Variants in MYO5B observed in about 807,000 individuals in gnomAD.
MYO5B encodes myosin VB.
A neutral mutation model predicts 229.3 loss-of-function variants in MYO5B; 143 were observed. The ratio of observed to expected loss-of-function variants is 0.62; its 90% confidence interval spans 0.54 to 0.72. The LOEUF (loss-of-function observed/expected upper bound fraction) is 0.72, where lower values mean the gene tolerates loss of function less well. Among genes scored for constraint, MYO5B ranks in the 30% least tolerant of loss-of-function variants. The probability of loss-of-function intolerance (pLI) is 0.00; values close to 1 mark genes in which losing one functional copy is unlikely to be tolerated. For synonymous variants in MYO5B, 918 were observed against 885.2 expected, an observed-to-expected ratio of 1.04 and a Z score of -0.66; for missense variants, 2,321 against 2,331.0, an observed-to-expected ratio of 1.00 and a Z score of 0.09.
chr18:50,042,654 T>C (rs1378972818), intron 2 of MYO5B, among the ~76,000 whole-genome samples: 1 of 152,194 alleles, frequency 6.6e-6, no homozygotes, highest in African/African-American at 2.4e-5. Context: ...TCATCCACTG[T>C]TCCTGGTATT....
At chr18:49,892,680 AAAAC>A (rs1387773510) in intron 22 of MYO5B, among the ~76,000 whole-genome samples, 1 of 152,208 alleles carries the variant, frequency 6.6e-6, no homozygotes, top group Non-Finnish European at 1.5e-5. Context: ...CACAGAAGAC[AAAAC>A]AAAAAAAAGC....
intron 30 of MYO5B, among the ~76,000 whole-genome samples, chr18:49,855,114 C>T (rs993880513): frequency 5.9e-5 from 9 of 152,186 alleles, no homozygotes; most frequent in African/African-American, 1.9e-4. Flanking sequence ...ACAGTAAGCA[C>T]ATTAAAAGTA....
intron 4 of MYO5B, among the ~76,000 whole-genome samples, chr18:50,023,570 TGA>T (rs2026299947): frequency 1.3e-5 from 2 of 152,178 alleles, no homozygotes; most frequent in African/African-American, 4.8e-5. Context: ...CCACATTTTG[TGA>T]GATACTTAGA....
At chr18:49,985,960 C>T (rs953460389) in intron 7 of MYO5B, among the ~76,000 whole-genome samples, 4 of 152,200 alleles carry the variant, frequency 2.6e-5, no homozygotes, top group Admixed American at 2.6e-4. Context: ...GAAAAAGACA[C>T]TATTCCAATC....
At chr18:50,150,003 C>A (rs1419598042) in intron 1 of MYO5B, among the ~76,000 whole-genome samples, 2 of 149,224 alleles carry the variant, frequency 1.3e-5, no homozygotes, top group Non-Finnish European at 3.0e-5. Context: ...ACAAACAACC[C>A]CATCAAAAAG....
At chr18:50,061,145 G>A (rs1266423556) in intron 1 of MYO5B, among the ~76,000 whole-genome samples, 1 of 152,168 alleles carries the variant, frequency 6.6e-6, no homozygotes, top group East Asian at 1.9e-4. Context: ...GAATTATCAG[G>A]CTGTAGCACT....
In MYO5B at chr18:49,837,797, C is replaced by G. The variant is rs2024007953; in HGVS notation, c.4858G>C (p.Ala1620Pro). The change falls in exon 37 of 40, where the codon GCC becomes CCC. Residue 1620 changes from alanine to proline, a missense_variant. Ala to Pro is a conservative substitution (Grantham distance 27, BLOSUM62 -1). This residue lies in a region of MYO5B where 208 missense variants were observed against 286.3 expected (regional missense o/e 0.73). Transcript: ENST00000285039. ...TGAATGCTCTCATTTTCCAACATGG[C>G]AGAAACTGAAATAAAAGCACAGTTA... ...EGVLQPMIVS[A>P]MLENESIQGL... 6.2e-7 allele frequency: 1 copy of G among 1,613,938 alleles called. No homozygotes were observed. Among genetic ancestry groups the G allele is most frequent in the African/African-American group, 1.3e-5 (1 of 74,920 alleles).
chr18:49,952,977 C>T (rs905351841), intron 14 of MYO5B, among the ~76,000 whole-genome samples: 20 of 152,074 alleles, frequency 1.3e-4, no homozygotes, highest in African/African-American at 3.6e-4. Flanking sequence ...TCCCCTATCC[C>T]CTCCATTAGC....
intron 1 of MYO5B, among the ~76,000 whole-genome samples, chr18:50,135,878 G>T (rs2032327029): frequency 6.6e-6 from 1 of 152,208 alleles, no homozygotes; most frequent in South Asian, 2.1e-4. Context: ...CCTGCAAGTG[G>T]TCTAACAGTT....
chr18:50,077,192 A>ACAC (rs1331632775), intron 1 of MYO5B, among the ~76,000 whole-genome samples: 1 of 147,206 alleles, frequency 6.8e-6, no homozygotes, highest in African/African-American at 2.5e-5. Flanking sequence ...AAAAAAAAAA[A>ACAC]AGACAACTTA....
rs147860643 is a variant in MYO5B, at chr18:49,932,723, A to C, written c.2004-3125T>G. 2.9e-4 allele frequency among the ~76,000 whole-genome samples: 44 copies of C among 152,326 alleles called. No individual in the cohort carries two copies. In the East Asian group the frequency reaches 8.3e-3, roughly 29 times the overall value. ...AAGAATGCTTTTAGAAAAAGCTAAG[A>C]GACACTATACAAAGAAGATATTGCC... On this transcript the variant is annotated intron_variant, in intron 16 of 39. Coordinates refer to ENST00000285039, the MANE Select transcript of MYO5B (RefSeq NM_001080467.3).
rs139640835 is a variant in MYO5B, at chr18:49,908,973, C to T, written c.2203-2343G>A. The stretch of plus-strand genomic sequence containing the variant: ...CAATTTATTAAAACCTCACTGACAG[C>T]CTAACGAAGCAGCCCCCAGCCCCAG... On this transcript the variant is annotated intron_variant, in intron 18 of 39. Transcript: ENST00000285039. 5.7e-3 allele frequency among the ~76,000 whole-genome samples: 871 copies of T among 152,334 alleles called. 15 individuals are homozygous for T. Among genetic ancestry groups the T allele is most frequent in the African/African-American group, 0.02 (839 of 41,576 alleles).
chr18:50,056,594 A>G (rs1314826718), intron 1 of MYO5B, among the ~76,000 whole-genome samples: 2 of 152,220 alleles, frequency 1.3e-5, no homozygotes, highest in Non-Finnish European at 2.9e-5. Context: ...AAGCTCAACC[A>G]GAACATGTGC....
At chr18:49,921,560 T>C (rs1431030667) in intron 17 of MYO5B, among the ~76,000 whole-genome samples, 5 of 152,100 alleles carry the variant, frequency 3.3e-5, no homozygotes, top group Admixed American at 6.6e-5. Context: ...TAAATCAGAC[T>C]CACAGAGAGC....
intron 12 of MYO5B, among the ~76,000 whole-genome samples, chr18:49,957,893 G>C (rs2025513862): frequency 6.6e-6 from 1 of 151,842 alleles, no homozygotes; most frequent in African/African-American, 2.4e-5. Context: ...AGTACCCTCT[G>C]GCCCCTCCCC....
At chr18:50,146,301 G>A (rs1048110598) in intron 1 of MYO5B, among the ~76,000 whole-genome samples, 1 of 152,252 alleles carries the variant, frequency 6.6e-6, no homozygotes, top group Non-Finnish European at 1.5e-5. Context: ...CACAGCCCGT[G>A]AATGGCAGAG....
chr18:49,905,979 G>T (rs1225593030), intron 19 of MYO5B, among the ~76,000 whole-genome samples: 1 of 152,176 alleles, frequency 6.6e-6, no homozygotes, highest in African/African-American at 2.4e-5. Flanking sequence ...TCGCAAAAGG[G>T]GCCTCCCAGG....
chr18:50,190,097 C>T (rs557192243), intron 1 of MYO5B, among the ~76,000 whole-genome samples: 8 of 152,326 alleles, frequency 5.3e-5, no homozygotes, highest in African/African-American at 1.9e-4. Flanking sequence ...ATTTCTCATT[C>T]ACTCTGCTGG....
rs114609962 is a variant in MYO5B, at chr18:49,932,063, T to C, written c.2004-2465A>G. Reference sequence around the variant, plus strand: ...GGGACCAGCTGGAGGTCCCTTCTTCTTCCAGGACCTCCTACTGTTTCCTCA... The same window carrying C: ...GGGACCAGCTGGAGGTCCCTTCTTCCTCCAGGACCTCCTACTGTTTCCTCA... On this transcript the variant is annotated intron_variant, in intron 16 of 39. Coordinates refer to ENST00000285039, the MANE Select transcript of MYO5B (RefSeq NM_001080467.3). Among the ~76,000 whole-genome samples the C allele has an allele frequency of 3.7e-3, 571 of 152,318 alleles. 3 individuals are homozygous for C. Among genetic ancestry groups the C allele is most frequent in the African/African-American group, 0.013 (540 of 41,572 alleles).
Sources: allele counts gnomAD v4.1 joint callset (sites outside exome capture counted in the v4.1 genomes callset), GRCh38; gene constraint gnomAD v4.1.1; regional missense constraint gnomAD v4.1.1; transcripts MANE v1.5; gene names NCBI Gene and HGNC (gene_info 2026-07-23, HGNC 2026-07-21).